The following JAZF1 variants were observed in gnomAD, a reference collection of about 807,000 sequenced individuals.
JAZF1 encodes the protein JAZF zinc finger 1.
In JAZF1, 8 loss-of-function variants were observed where a neutral mutation model predicts 26.4. That is an observed-to-expected ratio of 0.30 (90% CI 0.18 to 0.55). JAZF1 has a LOEUF of 0.55. Among genes scored for constraint, JAZF1 ranks in the 20% least tolerant of loss-of-function variants. The pLI is 0.94. For synonymous variants in JAZF1, 126 were observed against 122.3 expected, an observed-to-expected ratio of 1.03 and a Z score of -0.20; for missense variants, 199 against 322.0, an observed-to-expected ratio of 0.62 and a Z score of 2.92.
At chr7:27,909,687 C>A (rs1784327599) in intron 2 of JAZF1, among the ~76,000 whole-genome samples, 1 of 152,028 alleles carries the variant, frequency 6.6e-6, no homozygotes, top group African/African-American at 2.4e-5. Context: ...GCCTGGGCAA[C>A]AAGAGTGAAA....
chr7:28,152,601 T>C (rs1406629182), intron 1 of JAZF1, among the ~76,000 whole-genome samples: 1 of 152,092 alleles, frequency 6.6e-6, no homozygotes, highest in African/African-American at 2.4e-5. Context: ...ATATAAGTAA[T>C]AACAAATGAA....
intron 3 of JAZF1, among the ~76,000 whole-genome samples, chr7:27,859,352 G>A (rs1443777025): frequency 3.9e-5 from 6 of 152,246 alleles, no homozygotes; most frequent in South Asian, 2.1e-4. Context: ...AATACCATTC[G>A]ACCCAGCAAT....
At chr7:28,045,508 G>T (rs866819005) in intron 1 of JAZF1, among the ~76,000 whole-genome samples, 2 of 152,114 alleles carry the variant, frequency 1.3e-5, no homozygotes, top group Admixed American at 6.6e-5. Context: ...GGTTTAGTGG[G>T]CTAGAGAGGA....
At chr7:27,983,950 G>A (rs1785641331) in intron 2 of JAZF1, among the ~76,000 whole-genome samples, 1 of 152,182 alleles carries the variant, frequency 6.6e-6, no homozygotes, top group Non-Finnish European at 1.5e-5. Flanking sequence ...CCTGAAGGAA[G>A]CACTAAACAT....
At position 28,023,669 on chromosome 7, in the gene JAZF1, T is replaced by G. The variant is rs577246982; in HGVS notation, c.116-31688A>C. Among the ~76,000 whole-genome samples the G allele has an allele frequency of 2.0e-5, 3 of 152,334 alleles. No homozygotes were observed. The South Asian group carries it at 6.2e-4, about 32-fold the overall frequency. ...GGAAATACTGTTAAGTATTTTAGAA[T>G]GCGTGTTAATGAGTCCAGCACTGGG... On this transcript the variant is annotated intron_variant, in intron 1 of 4. Transcript: ENST00000283928.
At position 27,895,320 on chromosome 7, in the gene JAZF1, C is replaced by G; in HGVS notation, c.285G>C (p.Gly95=). ...SLTLSSSVSR[G]NVSTPPRHSS... ...TGTGGCGTGGGGGAGTGGACACATT[C>G]CCTCGAGACACTGAGCTGGACAGAG... Residue 95 remains glycine, a synonymous_variant, in exon 3 of 5, where the codon GGG becomes GGC. Transcript: ENST00000283928. 6.2e-7 allele frequency: 1 copy of G among 1,611,408 alleles called. No individual in the cohort carries two copies. Among genetic ancestry groups the G allele is most frequent in the Non-Finnish European group, 8.5e-7 (1 of 1,178,880 alleles).
chr7:27,946,741 G>C (rs1479503227), intron 2 of JAZF1, among the ~76,000 whole-genome samples: 1 of 152,156 alleles, frequency 6.6e-6, no homozygotes, highest in Non-Finnish European at 1.5e-5. Flanking sequence ...GTCTTATGTT[G>C]TAGCTGTAAC....
intron 1 of JAZF1, among the ~76,000 whole-genome samples, chr7:28,036,471 G>A (rs940321882): frequency 6.6e-6 from 1 of 152,088 alleles, no homozygotes; most frequent in Non-Finnish European, 1.5e-5. Flanking sequence ...ACTCATTTTT[G>A]GGGGGAACAA....
intron 2 of JAZF1, among the ~76,000 whole-genome samples, chr7:27,943,448 T>C (rs1334440028): frequency 1.3e-5 from 2 of 152,196 alleles, no homozygotes; most frequent in African/African-American, 4.8e-5. Context: ...TCTCACAGAC[T>C]GATCCGGGGA....
At chr7:27,918,484 T>C (rs1357834655) in intron 2 of JAZF1, among the ~76,000 whole-genome samples, 1 of 152,206 alleles carries the variant, frequency 6.6e-6, no homozygotes, top group East Asian at 1.9e-4. Flanking sequence ...GAGTTCATGT[T>C]GTAGGCATCT....
chr7:27,985,272 T>C (rs1184003645), intron 2 of JAZF1, among the ~76,000 whole-genome samples: 1 of 152,068 alleles, frequency 6.6e-6, no homozygotes, highest in East Asian at 1.9e-4. Flanking sequence ...AAAGGGAATA[T>C]CACCACCAAT....
chr7:27,859,716 T>C lies in JAZF1; in HGVS notation c.386-18849A>G, dbSNP rs1783341438. Reference sequence around the variant, plus strand: ...GGGGAACATCACACACCGGGGCCTGTTGGGGCATGGGGGGCTAGGGGAGGG... The same window carrying C: ...GGGGAACATCACACACCGGGGCCTGCTGGGGCATGGGGGGCTAGGGGAGGG... On this transcript the variant is annotated intron_variant, in intron 3 of 4. Coordinates refer to ENST00000283928, the MANE Select transcript of JAZF1 (RefSeq NM_175061.4). 2.0e-5 allele frequency among the ~76,000 whole-genome samples: 3 copies of C among 151,336 alleles called. No homozygotes were observed. The South Asian group carries it at 6.3e-4, about 32-fold the overall frequency.
chr7:28,000,622 C>CT (rs1190147547), intron 1 of JAZF1, among the ~76,000 whole-genome samples: 6,593 of 61,914 alleles, frequency 0.11, 671 homozygotes, highest in African/African-American at 0.25. Context: ...TTCTTTCTTT[C>CT]TTTTTTTTTT....
At chr7:27,850,407 A>G (rs1783122813) in intron 3 of JAZF1, among the ~76,000 whole-genome samples, 1 of 152,140 alleles carries the variant, frequency 6.6e-6, no homozygotes, top group African/African-American at 2.4e-5. Flanking sequence ...TAACTATGGA[A>G]TTGGTTCTGG....
intron 2 of JAZF1, among the ~76,000 whole-genome samples, chr7:27,914,127 T>C (rs1583461472): frequency 6.6e-6 from 1 of 152,136 alleles, no homozygotes; most frequent in African/African-American, 2.4e-5. Flanking sequence ...GCCTGCTATC[T>C]GTTTGCTATG....
Position 28,110,494 on chromosome 7 carries a change from AAAGG to A in JAZF1, c.115+69965_115+69968del, listed in dbSNP as rs1173167930. Among the ~76,000 whole-genome samples, 648 of 25,804 alleles carry A rather than the reference AAAGG, an allele frequency of 0.025. 39 individuals carry two copies. In the East Asian group the frequency reaches 0.32, roughly 13 times the overall value. The allele number at this position is 25,804 out of a possible 152,430, so 16.9% of individuals were successfully genotyped here. A position where few individuals can be genotyped will look rare whatever the true frequency, so the allele number is the denominator to read the frequency against. On this transcript the variant is annotated intron_variant, in intron 1 of 4. Transcript: ENST00000283928. ...AAAGGAAAGGAAAGGAAAGGAAAGG[AAAGG>A]AAAGGAAAAGGAAAGGAAAAGGAAA... is the stretch of plus-strand genomic sequence containing the variant.
intron 1 of JAZF1, among the ~76,000 whole-genome samples, chr7:28,178,467 A>T (rs2127956584): frequency 6.6e-6 from 1 of 152,298 alleles, no homozygotes; most frequent in South Asian, 2.1e-4. Flanking sequence ...AATGGATGGG[A>T]TATGCAATGA....
intron 2 of JAZF1, among the ~76,000 whole-genome samples, chr7:27,901,704 T>C (rs1784162725): frequency 6.6e-6 from 1 of 152,190 alleles, no homozygotes; most frequent in South Asian, 2.1e-4. Context: ...AGGCCTGCAC[T>C]GCATGTCGCC....
intron 1 of JAZF1, among the ~76,000 whole-genome samples, chr7:28,121,676 C>A (rs1022784666): frequency 6.6e-6 from 1 of 152,120 alleles, no homozygotes; most frequent in African/African-American, 2.4e-5. Context: ...TACACGTGAC[C>A]AATGTAGATA....
Sources: gnomAD v4.1 joint callset for allele counts (sites outside exome capture counted in the v4.1 genomes callset) on GRCh38, gnomAD v4.1.1 for gene constraint, MANE v1.5 for transcripts, NCBI Gene and HGNC (gene_info 2026-07-23, HGNC 2026-07-21) for gene names.